Variants in TENT5D observed in about 807,000 individuals in gnomAD.
TENT5D encodes terminal nucleotidyltransferase 5D, also known as cancer/testis antigen 112.
For synonymous variants in TENT5D, 103 were observed against 100.6 expected (o/e 1.02, Z -0.15); for missense variants, 191 against 287.0 (o/e 0.67, Z 2.42).
chrX:80,401,882 C>T (rs1931396318), intron 3 of TENT5D, among the ~76,000 whole-genome samples: 1 of 111,871 alleles, frequency 8.9e-6, no homozygotes, highest in Admixed American at 9.5e-5. Context: ...TGACATTCTT[C>T]ATTTGGCATT....
chrX:80,353,878 AATTT>A (rs1930232597), intron 3 of TENT5D, among the ~76,000 whole-genome samples: 1 of 112,281 alleles, frequency 8.9e-6, no homozygotes, highest in Non-Finnish European at 1.9e-5. Context: ...TGGCTGAACT[AATTT>A]ACATTCCCAC....
chrX:80,376,953 G>A (rs186993398), intron 3 of TENT5D, among the ~76,000 whole-genome samples: 2 of 111,389 alleles, frequency 1.8e-5, no homozygotes, highest in Non-Finnish European at 3.8e-5. Context: ...GAGTCAGGGA[G>A]AGGACACTAT....
intron 3 of TENT5D, among the ~76,000 whole-genome samples, chrX:80,361,263 G>A (rs756382958): frequency 1.3e-4 from 15 of 111,990 alleles, no homozygotes; most frequent in Non-Finnish European, 2.8e-4. Context: ...TCAAAATCTA[G>A]AGGAGATGGG....
chrX:80,353,903 C>T (rs1169824625), intron 3 of TENT5D, among the ~76,000 whole-genome samples: 1 of 112,063 alleles, frequency 8.9e-6, no homozygotes, highest in East Asian at 2.8e-4. Context: ...CTGGAGTGTA[C>T]AAGCATTCCC....
chrX:80,347,575 G>A (rs1465248639), intron 3 of TENT5D, among the ~76,000 whole-genome samples: 4 of 111,705 alleles, frequency 3.6e-5, no homozygotes, highest in African/African-American at 9.7e-5. Context: ...GATGTTAAAC[G>A]TTTGTCAGAT....
At chrX:80,406,309 G>A (rs367748090) in intron 3 of TENT5D, among the ~76,000 whole-genome samples, 27 of 109,559 alleles carry the variant, frequency 2.5e-4, no homozygotes, top group Non-Finnish European at 4.4e-4. Flanking sequence ...TCTGAGCTAC[G>A]GGAGGACATT....
At chrX:80,408,830 A>G (rs1176038860) in intron 3 of TENT5D, among the ~76,000 whole-genome samples, 1 of 110,827 alleles carries the variant, frequency 9.0e-6, no homozygotes, top group Non-Finnish European at 1.9e-5. Context: ...CTTGATGAAC[A>G]TTGATGCAAA....
At chrX:80,422,967 G>A (rs188367286) in intron 1 of TENT5D, among the ~76,000 whole-genome samples, 91 of 111,974 alleles carry the variant, frequency 8.1e-4, no homozygotes, top group Non-Finnish European at 1.3e-3. Context: ...AGAGAGAATG[G>A]CATTTTGGTC....
intron 3 of TENT5D, among the ~76,000 whole-genome samples, chrX:80,381,131 G>A (rs1184637637): frequency 8.9e-6 from 1 of 111,867 alleles, no homozygotes; most frequent in Non-Finnish European, 1.9e-5. Context: ...GCTTCCTTCA[G>A]GAGCTCTTGT....
intron 3 of TENT5D, among the ~76,000 whole-genome samples, chrX:80,388,528 ATGT>A (rs914923578): frequency 2.7e-5 from 3 of 111,485 alleles, no homozygotes; most frequent in Non-Finnish European, 3.8e-5. Flanking sequence ...ATTTCTAGAA[ATGT>A]TGTCCAGGTT....
intron 3 of TENT5D, among the ~76,000 whole-genome samples, chrX:80,396,448 A>G (rs976945139): frequency 5.5e-5 from 6 of 109,600 alleles, no homozygotes; most frequent in Non-Finnish European, 9.5e-5. Flanking sequence ...GTCCCTGGGT[A>G]TTTGAGATTA....
chrX:80,383,658 C>T (rs1447606505), intron 3 of TENT5D, among the ~76,000 whole-genome samples: 2 of 111,258 alleles, frequency 1.8e-5, no homozygotes, highest in African/African-American at 6.5e-5. Flanking sequence ...AGATCAAGAC[C>T]GTCCTGGCTA....
chrX:80,443,868 AT>A (rs1233769714), exon 3 of TENT5D: 1 of 478,261 alleles, frequency 2.1e-6, no homozygotes, highest in African/African-American at 2.4e-5. Flanking sequence ...TTTTTGATCA[AT>A]TAAGCCATCA....
At chrX:80,391,160 TAAGA>T (rs1931118146) in intron 3 of TENT5D, among the ~76,000 whole-genome samples, 1 of 111,654 alleles carries the variant, frequency 9.0e-6, no homozygotes, top group Admixed American at 9.5e-5. Flanking sequence ...AATATAATGG[TAAGA>T]AAACATGCAA....
chrX:80,348,211 A>G (rs1223035741), intron 3 of TENT5D, among the ~76,000 whole-genome samples: 8 of 111,878 alleles, frequency 7.2e-5, no homozygotes, highest in African/African-American at 2.0e-4. Flanking sequence ...AAGAAAGTCA[A>G]TCGTAGCTTG....
At chrX:80,354,786 TTTTGTTTTTGTTTTAG>T (rs1399665134) in intron 3 of TENT5D, among the ~76,000 whole-genome samples, 1 of 106,963 alleles carries the variant, frequency 9.3e-6, no homozygotes, top group Non-Finnish European at 2.0e-5. Flanking sequence ...TTGCGCTGTT[TTTTGTTTTTGTTTTAG>T]TTTGTTGTTG....
chrX:80,354,514 T>C (rs1247453995), intron 3 of TENT5D, among the ~76,000 whole-genome samples: 2 of 112,435 alleles, frequency 1.8e-5, no homozygotes, highest in African/African-American at 6.5e-5. Context: ...GAAATTCCTA[T>C]AGTGATTTTT....
chrX:80,430,092 T>C (rs1290485168), intron 1 of TENT5D, among the ~76,000 whole-genome samples: 2 of 110,693 alleles, frequency 1.8e-5, no homozygotes, highest in Non-Finnish European at 3.8e-5. Flanking sequence ...CTCTGCTGCC[T>C]GTAGGGCTGC....
intron 2 of TENT5D, among the ~76,000 whole-genome samples, chrX:80,441,390 G>A (rs1449550314): frequency 9.0e-6 from 1 of 111,178 alleles, no homozygotes; most frequent in Non-Finnish European, 1.9e-5. Context: ...GTTTGCTCTA[G>A]TTCTACTAGG....
Sources: gnomAD v4.1 joint callset for allele counts (sites outside exome capture counted in the v4.1 genomes callset) on GRCh38, gnomAD v4.1.1 for gene constraint, MANE v1.5 for transcripts, NCBI Gene and HGNC (gene_info 2026-07-23, HGNC 2026-07-21) for gene names.